SLC4A4: variants seen among roughly 807,000 people sequenced by gnomAD.
SLC4A4 encodes the protein electrogenic sodium bicarbonate cotransporter 1.
SLC4A4 carries 27 observed loss-of-function variants against 111.5 expected under a neutral mutation model. The observed-to-expected ratio is 0.24, with a 90% CI of 0.18 to 0.33. SLC4A4 has a LOEUF of 0.33. SLC4A4 is among the 10% of genes least tolerant of loss of function. The pLI, the probability that SLC4A4 is intolerant of heterozygous loss-of-function variation, is 1.00. For synonymous variants in SLC4A4, 443 were observed against 463.4 expected (o/e 0.96, Z 0.57); for missense variants, 909 against 1,315.5 (o/e 0.69, Z 4.78).
intron 6 of SLC4A4, among the ~76,000 whole-genome samples, chr4:71,370,384 T>G (rs1043698665): frequency 7.2e-5 from 11 of 152,318 alleles, no homozygotes; most frequent in Middle Eastern, 3.4e-3. Flanking sequence ...CTCACATGAT[T>G]CTCTCTGCAA....
chr4:71,285,914 G>T (rs895875246), intron 3 of SLC4A4, among the ~76,000 whole-genome samples: 2 of 152,046 alleles, frequency 1.3e-5, no homozygotes, highest in Non-Finnish European at 2.9e-5. Context: ...ATTTAAATGA[G>T]CATTGGAATC....
chr4:71,233,236 A>C, intron 1 of SLC4A4: 1 of 982,810 alleles, frequency 1.0e-6, no homozygotes, highest in Non-Finnish European at 1.2e-6. Context: ...TCCAGTAAAT[A>C]TTTACTGAAT....
intron 7 of SLC4A4, among the ~76,000 whole-genome samples, chr4:71,423,682 C>T (rs1192492438): frequency 9.2e-5 from 14 of 152,092 alleles, no homozygotes; most frequent in Admixed American, 2.6e-4. Context: ...TCAGAAATAA[C>T]GCCGCATATC....
chr4:71,419,973 A>T (rs1014314984), intron 7 of SLC4A4, among the ~76,000 whole-genome samples: 3 of 152,264 alleles, frequency 2.0e-5, no homozygotes, highest in Non-Finnish European at 4.4e-5. Flanking sequence ...CCAGCAGTGG[A>T]ACAAAGCTGG....
In SLC4A4 at chr4:71,126,208, G is replaced by T. The variant is rs559680064; in HGVS notation, c.-2+33416G>T. Among the ~76,000 whole-genome samples, 2 of 152,174 alleles carry T rather than the reference G, an allele frequency of 1.3e-5. 1 individual carries two copies. The highest frequency in any genetic ancestry group is 4.8e-5 in the African/African-American group (2 of 41,532). On this transcript the variant is annotated intron_variant, in intron 2 of 26. Transcript: ENST00000649996. Reference sequence around the variant, plus strand: ...ATGAGCTGTAATATTTCAATGATGTGCATATTTTATCATGCAAGACTAACT... The same window carrying T: ...ATGAGCTGTAATATTTCAATGATGTTCATATTTTATCATGCAAGACTAACT...
intron 2 of SLC4A4, among the ~76,000 whole-genome samples, chr4:71,148,423 G>T (rs1744235166): frequency 6.6e-6 from 1 of 152,066 alleles, no homozygotes. Flanking sequence ...TTAAGTTGGG[G>T]TACATGTGCA....
chr4:71,565,876 C>T lies in SLC4A4; in HGVS notation c.3197-1128C>T, dbSNP rs183029334. 2.6e-5 allele frequency among the ~76,000 whole-genome samples: 4 copies of T among 151,858 alleles called. No individual in the cohort carries two copies. In the East Asian group the frequency reaches 7.8e-4, roughly 30 times the overall value. ...TTTGTTTTTTACCTGTGGGTATCTC[C>T]GTAGGGCTCCCCATGATATGGCCTC... On this transcript the variant is annotated intron_variant, in intron 24 of 25. Coordinates refer to ENST00000264485, the MANE Select transcript of SLC4A4 (RefSeq NM_001098484.3).
At chr4:71,531,015 G>A (rs941340506) in intron 16 of SLC4A4, among the ~76,000 whole-genome samples, 13 of 151,986 alleles carry the variant, frequency 8.6e-5, no homozygotes, top group African/African-American at 2.7e-4. Flanking sequence ...GAATTGTATC[G>A]GTTTTATTTA....
At chr4:71,154,738 C>T (rs1744412156) in intron 2 of SLC4A4, among the ~76,000 whole-genome samples, 1 of 152,004 alleles carries the variant, frequency 6.6e-6, no homozygotes, top group African/African-American at 2.4e-5. Context: ...CATAATTCTA[C>T]ATTTAATAGA....
intron 1 of SLC4A4, among the ~76,000 whole-genome samples, chr4:71,092,202 A>G (rs1486325619): frequency 1.3e-5 from 2 of 152,206 alleles, no homozygotes; most frequent in Non-Finnish European, 2.9e-5. Context: ...ACTGTTCAGT[A>G]AGGATCACTG....
At chr4:71,325,400 T>A (rs1727428437) in intron 3 of SLC4A4, among the ~76,000 whole-genome samples, 1 of 151,980 alleles carries the variant, frequency 6.6e-6, no homozygotes, top group South Asian at 2.1e-4. Flanking sequence ...TTAAAACAAT[T>A]TTGCTTTTAA....
intron 2 of SLC4A4, among the ~76,000 whole-genome samples, chr4:71,163,984 G>A (rs1316087662): frequency 1.3e-5 from 2 of 152,122 alleles, no homozygotes; most frequent in African/African-American, 2.4e-5. Flanking sequence ...GGTGGCTCAC[G>A]CCTATAATCC....
intron 2 of SLC4A4, among the ~76,000 whole-genome samples, chr4:71,101,103 C>T (rs944017823): frequency 6.6e-6 from 1 of 151,942 alleles, no homozygotes; most frequent in South Asian, 2.1e-4. Context: ...ACTAAAAGTA[C>T]AAAAAATTAG....
chr4:71,504,788 G>T (rs1167976770), intron 16 of SLC4A4, among the ~76,000 whole-genome samples: 1 of 151,470 alleles, frequency 6.6e-6, no homozygotes, highest in African/African-American at 2.4e-5. Flanking sequence ...AGGTAAATTT[G>T]TGCCATGGTG....
At chr4:71,402,819 C>T (rs192927595) in intron 7 of SLC4A4, among the ~76,000 whole-genome samples, 77 of 152,302 alleles carry the variant, frequency 5.1e-4, no homozygotes, top group East Asian at 5.0e-3. Context: ...GCCCCTTTCA[C>T]AGGGAAACAG....
At chr4:71,447,840 T>G in intron 9 of SLC4A4, 107 bp downstream of exon 9, 1 of 774,058 alleles carries the variant, frequency 1.3e-6, no homozygotes, top group Non-Finnish European at 2.3e-6. Flanking sequence ...GTTACTAGAC[T>G]TCCTTATAGC....
At chr4:71,224,483 G>A (rs567544509) in intron 1 of SLC4A4, among the ~76,000 whole-genome samples, 21 of 152,294 alleles carry the variant, frequency 1.4e-4, no homozygotes, top group African/African-American at 5.1e-4. Flanking sequence ...TTTTTTTTGG[G>A]AATGTGACTT....
chr4:71,521,358 T>C (rs1732914712), intron 16 of SLC4A4, among the ~76,000 whole-genome samples: 1 of 152,092 alleles, frequency 6.6e-6, no homozygotes, highest in Non-Finnish European at 1.5e-5. Context: ...GTCTTCCGAG[T>C]AGCTGGAACT....
chr4:71,243,450 A>G (rs1255693466), intron 2 of SLC4A4, among the ~76,000 whole-genome samples: 1 of 152,220 alleles, frequency 6.6e-6, no homozygotes, highest in Non-Finnish European at 1.5e-5. Flanking sequence ...GAGAATGAGT[A>G]AAATAAGAAT....
Sources: allele counts gnomAD v4.1 joint callset (sites outside exome capture counted in the v4.1 genomes callset), GRCh38; gene constraint gnomAD v4.1.1; transcripts MANE v1.5; gene names NCBI Gene and HGNC (gene_info 2026-07-23, HGNC 2026-07-21).